Variants in PCDH15 observed in about 807,000 individuals in gnomAD.
The protein encoded by PCDH15 is protocadherin-15.
Under a neutral mutation model 178.5 loss-of-function variants are expected in PCDH15, and 129 were observed. That is an observed-to-expected ratio of 0.72 (90% CI 0.63 to 0.84). The LOEUF is 0.84. Among genes scored for constraint, PCDH15 ranks in the 40% least tolerant of loss-of-function variants. The pLI is 0.00. For missense variants in PCDH15, 2,230 were observed against 2,099.9 expected (o/e 1.06, Z -1.21); for synonymous variants, 800 against 732.0 (o/e 1.09, Z -1.50).
At chr10:54,032,051 A>G (rs1389204428) in intron 18 of PCDH15, among the ~76,000 whole-genome samples, 1 of 151,842 alleles carries the variant, frequency 6.6e-6, no homozygotes, top group East Asian at 1.9e-4. Context: ...ATTAAATTAT[A>G]TTTAGTTTTC....
intron 2 of PCDH15, among the ~76,000 whole-genome samples, chr10:55,498,890 T>C (rs1353575892): frequency 6.6e-6 from 1 of 151,782 alleles, no homozygotes; most frequent in African/African-American, 2.4e-5. Context: ...CTGCAACAAA[T>C]ACCATCCTGT....
chr10:54,528,392 A>G (rs1283842168), intron 2 of PCDH15: 6 of 1,576,850 alleles, frequency 3.8e-6, no homozygotes, highest in East Asian at 2.3e-5. Context: ...TCTTACCCTC[A>G]TATTGCCAGT....
At position 55,456,215 on chromosome 10, in the gene PCDH15, G is replaced by A. The variant is rs141282499; in HGVS notation, c.-156+171410C>T. Among the ~76,000 whole-genome samples the A allele has an allele frequency of 2.4e-3, 362 of 152,088 alleles. 1 individual carries two copies. The highest frequency in any genetic ancestry group is 2.9e-3 in the Non-Finnish European group (194 of 67,960). On this transcript the variant is annotated intron_variant, in intron 2 of 5. Transcript: ENST00000613346. ...TTGGCAAACAAAAAAAAATCATGAC[G>A]TGTGTGCTTATAAGTTCATACTTTT...
chr10:54,537,694 C>A (rs897950664), intron 2 of PCDH15, among the ~76,000 whole-genome samples: 2 of 152,056 alleles, frequency 1.3e-5, no homozygotes, highest in African/African-American at 4.8e-5. Context: ...TGAGAATCTC[C>A]AAATTTCCAC....
chr10:54,729,124 C>A (rs1942988460), intron 1 of PCDH15, among the ~76,000 whole-genome samples: 1 of 151,530 alleles, frequency 6.6e-6, no homozygotes, highest in Non-Finnish European at 1.5e-5. Context: ...CAATCCTAAA[C>A]AAAAACAACA....
At chr10:54,922,845 C>A (rs1837528696) in intron 2 of PCDH15, among the ~76,000 whole-genome samples, 2 of 152,124 alleles carry the variant, frequency 1.3e-5, no homozygotes, top group South Asian at 2.1e-4. Context: ...GTGCATAGTG[C>A]AAACTGTTGA....
At chr10:55,358,526 C>T (rs1257530073) in intron 2 of PCDH15, among the ~76,000 whole-genome samples, 1 of 151,998 alleles carries the variant, frequency 6.6e-6, no homozygotes, top group Non-Finnish European at 1.5e-5. Flanking sequence ...TAGTGAATTT[C>T]AAGAGGATAT....
chr10:54,121,996 G>GACACAGACACACACACACACACACAC (rs756158522), intron 15 of PCDH15, among the ~76,000 whole-genome samples: 1 of 95,852 alleles, frequency 1.0e-5, no homozygotes, highest in Non-Finnish European at 2.3e-5. Context: ...ACCGGGCAAA[G>GACACAGACACACACACACACACACAC]ACACATACAC....
chr10:53,822,053 T>C, intron 32 of PCDH15: 1 of 1,614,118 alleles, frequency 6.2e-7, no homozygotes, highest in Non-Finnish European at 8.5e-7. Flanking sequence ...ATTTTTCAAG[T>C]TCTGCTAAGT....
chr10:55,398,084 A>T (rs922522098), intron 2 of PCDH15, among the ~76,000 whole-genome samples: 4 of 152,164 alleles, frequency 2.6e-5, no homozygotes, highest in Middle Eastern at 6.8e-3. Flanking sequence ...TAGTAAATAT[A>T]CTGTGTCATA....
intron 2 of PCDH15, among the ~76,000 whole-genome samples, chr10:54,945,351 T>TAGATAGATA (rs36018565): frequency 1.4e-5 from 2 of 138,014 alleles, no homozygotes; most frequent in African/African-American, 5.4e-5. Context: ...GATAGATAGA[T>TAGATAGATA]GATAGATAGA....
chr10:53,893,607 A>G (rs2081741908), intron 26 of PCDH15, among the ~76,000 whole-genome samples: 1 of 152,216 alleles, frequency 6.6e-6, no homozygotes, highest in Non-Finnish European at 1.5e-5. Flanking sequence ...ATTGAATACT[A>G]GTCAGCCATA....
At chr10:54,604,183 TTTG>T (rs1295938016) in intron 2 of PCDH15, among the ~76,000 whole-genome samples, 5 of 152,004 alleles carry the variant, frequency 3.3e-5, no homozygotes, top group South Asian at 2.1e-4. Context: ...GTTGAGTTGT[TTTG>T]TTATCTAATA....
At chr10:54,372,300 G>A (rs2134807943) in intron 4 of PCDH15, among the ~76,000 whole-genome samples, 1 of 151,846 alleles carries the variant, frequency 6.6e-6, no homozygotes, top group African/African-American at 2.4e-5. Context: ...AGGATCAAAT[G>A]CACTGTGTAC....
chr10:55,333,367 C>CT (rs1174209253), intron 2 of PCDH15, among the ~76,000 whole-genome samples: 4 of 150,920 alleles, frequency 2.7e-5, no homozygotes, highest in East Asian at 1.9e-4. Context: ...TACAAATCAT[C>CT]TTTTTTTTGG....
intron 3 of PCDH15, among the ~76,000 whole-genome samples, chr10:54,454,679 C>A (rs576924856): frequency 1.3e-5 from 2 of 152,052 alleles, no homozygotes; most frequent in East Asian, 1.9e-4. Context: ...GAAATGAAAC[C>A]ATTTTGCTTT....
intron 10 of PCDH15, among the ~76,000 whole-genome samples, chr10:54,199,100 C>T (rs1267945571): frequency 6.6e-6 from 1 of 152,090 alleles, no homozygotes; most frequent in East Asian, 1.9e-4. Flanking sequence ...TTCTTAACTT[C>T]CTCATATCTA....
chr10:55,499,529 A>T (rs1404763075), intron 2 of PCDH15, among the ~76,000 whole-genome samples: 1 of 150,918 alleles, frequency 6.6e-6, no homozygotes, highest in Non-Finnish European at 1.5e-5. Flanking sequence ...AATCTTAATC[A>T]GTTTTCTTAG....
At chr10:55,177,664 T>A (rs1441631766) in intron 1 of PCDH15, among the ~76,000 whole-genome samples, 1 of 152,140 alleles carries the variant, frequency 6.6e-6, no homozygotes, top group African/African-American at 2.4e-5. Context: ...TACAACCATC[T>A]CCTCAAATAT....
Sources: gnomAD v4.1 joint callset for allele counts (sites outside exome capture counted in the v4.1 genomes callset) on GRCh38, gnomAD v4.1.1 for gene constraint, MANE v1.5 for transcripts, NCBI Gene and HGNC (gene_info 2026-07-23, HGNC 2026-07-21) for gene names.